Variants in PVT1 observed in about 807,000 individuals in gnomAD.
PVT1 encodes CXCR4/PVT1 fusion.
intron 2 of PVT1, among the ~76,000 whole-genome samples, chr8:127,870,480 C>T (rs1444951416): frequency 6.6e-6 from 1 of 152,162 alleles, no homozygotes; most frequent in Non-Finnish European, 1.5e-5. Flanking sequence ...TGGCTGCCCT[C>T]AGAAACTAAG....
intron 3 of PVT1, among the ~76,000 whole-genome samples, chr8:127,935,127 C>G (rs28608914): frequency 0.33 from 50,603 of 151,742 alleles, 8,725 homozygotes; most frequent in East Asian, 0.53. Flanking sequence ...CCACCACACC[C>G]AGCTAATTTT....
At chr8:127,949,646 G>A (rs555800562) in intron 3 of PVT1, among the ~76,000 whole-genome samples, 29 of 151,994 alleles carry the variant, frequency 1.9e-4, no homozygotes, top group African/African-American at 7.0e-4. Context: ...CCTCTCACAT[G>A]GTTAAACCAA....
chr8:127,881,418 TTAA>T (rs1273567651), intron 2 of PVT1, among the ~76,000 whole-genome samples: 10 of 143,450 alleles, frequency 7.0e-5, no homozygotes, highest in African/African-American at 2.4e-4. Flanking sequence ...AATATTATTA[TTAA>T]TATTATTGTT....
At chr8:127,868,785 ATATAT>A (rs1279548713) in intron 2 of PVT1, among the ~76,000 whole-genome samples, 4 of 114,284 alleles carry the variant, frequency 3.5e-5, no homozygotes, top group African/African-American at 1.6e-4. Context: ...ATATATATAT[ATATAT>A]ATACATATAT....
At chr8:127,975,623 C>T (rs1301605997) in intron 3 of PVT1, among the ~76,000 whole-genome samples, 1 of 152,136 alleles carries the variant, frequency 6.6e-6, no homozygotes, top group Non-Finnish European at 1.5e-5. Context: ...ATTGCAACAC[C>T]CTGCTCTTCA....
chr8:127,979,493 C>T (rs1816859904), intron 3 of PVT1, among the ~76,000 whole-genome samples: 1 of 152,238 alleles, frequency 6.6e-6, no homozygotes, highest in South Asian at 2.1e-4. Context: ...CTCTAGGAAA[C>T]AGACGCTAAG....
At chr8:128,031,275 G>A (rs1468379506) in intron 4 of PVT1, among the ~76,000 whole-genome samples, 2 of 152,236 alleles carry the variant, frequency 1.3e-5, no homozygotes, top group African/African-American at 2.4e-5. Flanking sequence ...TGCTGCCAGC[G>A]GGGCCTTTGA....
At chr8:128,089,155 T>TAAGA (rs1814315664) in intron 5 of PVT1, among the ~76,000 whole-genome samples, 1 of 152,206 alleles carries the variant, frequency 6.6e-6, no homozygotes, top group Non-Finnish European at 1.5e-5. Flanking sequence ...ACTGATCTGA[T>TAAGA]CAGAGACCTA....
At chr8:128,053,457 TATATATATAGGTATTA>T (rs1429600238) in intron 4 of PVT1, among the ~76,000 whole-genome samples, 3 of 149,726 alleles carry the variant, frequency 2.0e-5, no homozygotes, top group Non-Finnish European at 4.4e-5. Flanking sequence ...ATATGGGTAT[TATATATATAGGTATTA>T]ATATATATAG....
At chr8:128,007,689 G>T (rs1817263754) in intron 4 of PVT1, among the ~76,000 whole-genome samples, 1 of 152,178 alleles carries the variant, frequency 6.6e-6, no homozygotes, top group Non-Finnish European at 1.5e-5. Context: ...TTTACTTTTT[G>T]ATGTCTCCTG....
At chr8:127,961,048 A>G (rs1816637018) in intron 3 of PVT1, among the ~76,000 whole-genome samples, 2 of 151,804 alleles carry the variant, frequency 1.3e-5, no homozygotes, top group African/African-American at 2.4e-5. Context: ...GGCACACAGA[A>G]GGGCCCAGGG....
chr8:128,010,309 G>A (rs113485294), intron 4 of PVT1: 5 of 152,146 alleles, frequency 3.3e-5, no homozygotes, highest in Non-Finnish European at 2.9e-5. Flanking sequence ...ATTTCATCCC[G>A]CTTTTCAGTT....
intron 5 of PVT1, among the ~76,000 whole-genome samples, chr8:128,081,547 G>T (rs74511067): frequency 0.019 from 2,843 of 152,236 alleles, 87 homozygotes; most frequent in African/African-American, 0.065. Flanking sequence ...TAAACCTTTG[G>T]GTTGGGGGTT....
chr8:128,050,669 T>C (rs775721608), intron 4 of PVT1, among the ~76,000 whole-genome samples: 1 of 152,170 alleles, frequency 6.6e-6, no homozygotes, highest in Non-Finnish European at 1.5e-5. Flanking sequence ...GAATGTCACC[T>C]CACCACTCCA....
chr8:127,957,217 A>G (rs1816580216), intron 3 of PVT1, among the ~76,000 whole-genome samples: 1 of 152,178 alleles, frequency 6.6e-6, no homozygotes, highest in African/African-American at 2.4e-5. Flanking sequence ...TAGGAAAAGC[A>G]CCATGATAGC....
chr8:128,090,506 T>TGTC (rs916747649), intron 5 of PVT1, among the ~76,000 whole-genome samples: 1 of 152,164 alleles, frequency 6.6e-6, no homozygotes, highest in African/African-American at 2.4e-5. Context: ...GGGAGCCTTT[T>TGTC]GTCACTTGTT....
chr8:127,928,161 C>T (rs941782754), intron 3 of PVT1, among the ~76,000 whole-genome samples: 4 of 152,176 alleles, frequency 2.6e-5, no homozygotes, highest in South Asian at 2.1e-4. Flanking sequence ...TAAGGACCAC[C>T]GGCCGTCAAT....
At chr8:127,860,790 A>G (rs1815217982) in intron 2 of PVT1, among the ~76,000 whole-genome samples, 2 of 134,206 alleles carry the variant, frequency 1.5e-5, no homozygotes, top group Admixed American at 7.4e-5. Flanking sequence ...AAAAAGGAGA[A>G]GACAAGGCGA....
chr8:127,832,125 T>C (rs1814857399), intron 2 of PVT1, among the ~76,000 whole-genome samples: 1 of 152,260 alleles, frequency 6.6e-6, no homozygotes, highest in South Asian at 2.1e-4. Flanking sequence ...AAGTAAGAGT[T>C]ATGTGTCAGG....
Sources: gnomAD v4.1 joint callset for allele counts (sites outside exome capture counted in the v4.1 genomes callset) on GRCh38, gnomAD v4.1.1 for gene constraint, MANE v1.5 for transcripts, NCBI Gene and HGNC (gene_info 2026-07-23, HGNC 2026-07-21) for gene names.